DUS2: variants seen among roughly 807,000 people sequenced by gnomAD.
The protein encoded by DUS2 is dihydrouridine synthase 2.
A neutral mutation model predicts 71.3 loss-of-function variants in DUS2; 52 were observed. The ratio of observed to expected loss-of-function variants is 0.73; its 90% confidence interval spans 0.58 to 0.92. The LOEUF (loss-of-function observed/expected upper bound fraction) is 0.92. DUS2 is among the 40% of genes least tolerant of loss of function. The pLI is 0.00. For missense variants in DUS2, 558 were observed against 622.6 expected (o/e 0.90, Z 1.10); for synonymous variants, 204 against 227.8 (o/e 0.90, Z 0.94).
chr16:68,071,241 G>A, intron 12 of DUS2, 133 bp downstream of exon 12: 2 of 932,256 alleles, frequency 2.1e-6, no homozygotes, highest in Non-Finnish European at 3.2e-6. Context: ...CTCATGTAGT[G>A]TAGCTGCACT....
chr16:68,073,692 G>A (rs982673578), intron 12 of DUS2, among the ~76,000 whole-genome samples: 6 of 151,962 alleles, frequency 3.9e-5, no homozygotes, highest in South Asian at 2.1e-4. Context: ...CAGGTGATCC[G>A]CCCGCCTTGG....
At position 68,078,484 on chromosome 16, in the gene DUS2, A is replaced by T; in HGVS notation, c.1210A>T (p.Thr404Ser). 2.5e-6 allele frequency: 4 copies of T among 1,613,968 alleles called. No individual in the cohort carries two copies. The highest frequency in any genetic ancestry group is 3.4e-6 in the Non-Finnish European group (4 of 1,180,024). The stretch of plus-strand genomic sequence containing the variant: ...AGATCGCCTGTTCTCCTCTATTGTC[A>T]CCGTTGCTGAACAAAAGTATCAGTC... ...PLDRLFSSIVTVAEQKYQSTL... is the reference protein window; with the variant it reads ...PLDRLFSSIVSVAEQKYQSTL... Residue 404 changes from threonine to serine, a missense_variant, in exon 16 of 17, where the codon ACC becomes TCC. Thr to Ser is a moderately conservative substitution (Grantham distance 58). Transcript: ENST00000565263.
chr16:68,044,084 T>C (rs1292868280), intron 3 of DUS2, among the ~76,000 whole-genome samples: 2 of 152,250 alleles, frequency 1.3e-5, no homozygotes, highest in African/African-American at 4.8e-5. Flanking sequence ...GCCTTTTTTT[T>C]TCTTTCTTCT....
rs372018578 is a variant in DUS2, at chr16:68,054,569, C to G, written c.265-5C>G. On this transcript the variant is annotated splice_polypyrimidine_tract_variant and splice_region_variant and intron_variant, in intron 5 of 16. Transcript: ENST00000565263. ...AGTGGTTGATGCAGCCTCTTGTGTT[C>G]CCAGGGGACTTCAGACGCAGAGCGA... 1.2e-6 allele frequency: 2 copies of G among 1,613,900 alleles called. No homozygotes were observed. Among genetic ancestry groups the G allele is most frequent in the African/African-American group, 2.7e-5 (2 of 74,872 alleles).
chr16:68,037,280 A>G (rs920150842), intron 2 of DUS2, among the ~76,000 whole-genome samples: 1 of 151,592 alleles, frequency 6.6e-6, no homozygotes, highest in African/African-American at 2.4e-5. Context: ...ACTAATTTTT[A>G]TGTTCAGGGA....
chr16:68,028,274 T>C (rs1189071014), intron 2 of DUS2, among the ~76,000 whole-genome samples: 2 of 152,134 alleles, frequency 1.3e-5, no homozygotes, highest in Non-Finnish European at 1.5e-5. Flanking sequence ...TTTCCGTGTC[T>C]TTATACCTCA....
chr16:68,071,319 C>G (rs1598318674), intron 12 of DUS2, among the ~76,000 whole-genome samples: 1 of 152,240 alleles, frequency 6.6e-6, no homozygotes. Context: ...CATACCCCTA[C>G]CATCTCCTAA....
chr16:68,060,149 A>G lies in DUS2; in HGVS notation c.370-917A>G, dbSNP rs113186437. ...GGCACATTTGATCTTATTTCAAATG[A>G]AGGATGATTCATTGTTTTTTAAGGG... On this transcript the variant is annotated intron_variant, in intron 7 of 16. Transcript: ENST00000565263. Among the ~76,000 whole-genome samples, 1,396 of 152,276 alleles carry G rather than the reference A, an allele frequency of 9.2e-3. 15 individuals are homozygous for G. The highest frequency in any genetic ancestry group is 0.014 in the Admixed American group (219 of 15,298).
chr16:68,051,170 A>T (rs1567475381), intron 4 of DUS2, among the ~76,000 whole-genome samples: 1 of 152,224 alleles, frequency 6.6e-6, no homozygotes, highest in African/African-American at 2.4e-5. Flanking sequence ...TAGTAATGGT[A>T]GCACCTATTG....
intron 8 of DUS2, among the ~76,000 whole-genome samples, chr16:68,061,555 A>G (rs1211346069): frequency 6.6e-6 from 1 of 152,158 alleles, no homozygotes; most frequent in East Asian, 1.9e-4. Flanking sequence ...ATGTCCTGAA[A>G]GAGTCTACCC....
chr16:68,075,552 G>A (rs764913634), intron 14 of DUS2, 48 bp downstream of exon 14: 20 of 1,559,298 alleles, frequency 1.3e-5, no homozygotes, highest in Non-Finnish European at 1.7e-5. Flanking sequence ...AGCACCCTTG[G>A]GGTCCCACTG....
intron 12 of DUS2, among the ~76,000 whole-genome samples, chr16:68,073,101 TAGGTCCTCTGTGGTGGCTGAAGC>T (rs1315155497): frequency 6.6e-6 from 1 of 152,130 alleles, no homozygotes; most frequent in Non-Finnish European, 1.5e-5. Flanking sequence ...TACTTGGCAG[TAGGTCCTCTGTGGTGGCTGAAGC>T]AGGAAGGGGC....
At chr16:68,030,280 G>A (rs2033417967) in intron 2 of DUS2, among the ~76,000 whole-genome samples, 1 of 151,924 alleles carries the variant, frequency 6.6e-6, no homozygotes, top group African/African-American at 2.4e-5. Flanking sequence ...GATAAGAACT[G>A]TTTCCAAGGA....
At chr16:68,051,189 C>T (rs2033774185) in intron 4 of DUS2, among the ~76,000 whole-genome samples, 1 of 152,172 alleles carries the variant, frequency 6.6e-6, no homozygotes, top group Non-Finnish European at 1.5e-5. Context: ...TGTGGAGCTT[C>T]TTTAGGAAGC....
intron 12 of DUS2, among the ~76,000 whole-genome samples, chr16:68,071,561 C>T (rs2034087484): frequency 6.6e-6 from 1 of 152,026 alleles, no homozygotes; most frequent in South Asian, 2.1e-4. Flanking sequence ...TTTGACTCAT[C>T]AGTCGAAATA....
intron 8 of DUS2, among the ~76,000 whole-genome samples, chr16:68,063,512 A>G (rs2033968098): frequency 6.6e-6 from 1 of 152,186 alleles, no homozygotes. Flanking sequence ...ACTGAATTAT[A>G]CACTTAAAAA....
At chr16:68,030,704 CA>C in intron 2 of DUS2, among the ~76,000 whole-genome samples, 1 of 152,088 alleles carries the variant, frequency 6.6e-6, no homozygotes, top group East Asian at 1.9e-4. Flanking sequence ...ATTTCTATGA[CA>C]AAAGTTTATC....
At chr16:68,067,198 C>T (rs1227849643) in intron 10 of DUS2, among the ~76,000 whole-genome samples, 1 of 21,084 alleles carries the variant, frequency 4.7e-5, no homozygotes, top group African/African-American at 2.3e-4. Flanking sequence ...ATCTCCTCCC[C>T]TCTCCCCTCC....
At chr16:68,076,038 G>A (rs541927584) in intron 14 of DUS2, among the ~76,000 whole-genome samples, 1 of 152,308 alleles carries the variant, frequency 6.6e-6, no homozygotes, top group Non-Finnish European at 1.5e-5. Context: ...CAGAGGTGTG[G>A]AGAGGGGGAG....
Sources: allele counts gnomAD v4.1 joint callset (sites outside exome capture counted in the v4.1 genomes callset), GRCh38; gene constraint gnomAD v4.1.1; transcripts MANE v1.5; gene names NCBI Gene and HGNC (gene_info 2026-07-23, HGNC 2026-07-21).